Variants in FAAH2 observed in about 807,000 individuals in gnomAD.
FAAH2 encodes the protein fatty-acid amide hydrolase 2.
A neutral mutation model predicts 36.9 loss-of-function variants in FAAH2; 60 were observed. The observed-to-expected ratio is 1.63, with a 90% confidence interval of 1.32 to 2.02. The LOEUF is 2.02. Among genes scored for constraint, FAAH2 ranks in the 30% most tolerant of loss-of-function variants. The pLI, the probability that FAAH2 is intolerant of heterozygous loss-of-function variation, is 0.00. For synonymous variants in FAAH2, 214 were observed against 143.8 expected, an observed-to-expected ratio of 1.49 and a Z score of -3.49; for missense variants, 689 against 397.5, an observed-to-expected ratio of 1.73 and a Z score of -6.23.
At chrX:57,162,258 G>C in the FAAH2 span, among the ~76,000 whole-genome samples, 4 of 111,731 alleles carry the variant, frequency 3.6e-5, no homozygotes, top group East Asian at 1.1e-3. Flanking sequence ...TTCCCTTTGA[G>C]GGTAACCCAA....
chrX:57,387,216 T>C (rs1265626654), intron 7 of FAAH2, among the ~76,000 whole-genome samples: 1 of 111,682 alleles, frequency 9.0e-6, no homozygotes, highest in African/African-American at 3.2e-5. Flanking sequence ...AAATATAAAG[T>C]TAGATAAGCA....
chrX:57,252,184 C>A, the FAAH2 span, among the ~76,000 whole-genome samples: 2 of 112,455 alleles, frequency 1.8e-5, no homozygotes, highest in Non-Finnish European at 3.8e-5. Context: ...TCTGCCATTG[C>A]TGAGGCTTGA....
the FAAH2 span, among the ~76,000 whole-genome samples, chrX:57,170,870 A>AT: frequency 1.7e-3 from 179 of 103,334 alleles, no homozygotes; most frequent in East Asian, 3.9e-3. Flanking sequence ...ATGACCAGCT[A>AT]TTTTTTTTTT....
chrX:57,393,966 T>C, intron 7 of FAAH2: 1 of 800,935 alleles, frequency 1.2e-6, no homozygotes, highest in African/African-American at 2.0e-5. Flanking sequence ...AACCTTTGTA[T>C]GTGGATATCA....
chrX:57,415,711 G>A (rs58455533), intron 7 of FAAH2, among the ~76,000 whole-genome samples: 35,480 of 110,208 alleles, frequency 0.32, 4,615 homozygotes, highest in Middle Eastern at 0.6. Flanking sequence ...GTTTATTTGG[G>A]GTGGAGAGTT....
intron 5 of FAAH2, among the ~76,000 whole-genome samples, chrX:57,376,474 A>G (rs1354351535): frequency 9.0e-6 from 1 of 111,220 alleles, no homozygotes; most frequent in African/African-American, 3.3e-5. Flanking sequence ...CTTATGAGTG[A>G]GAACATGTGG....
chrX:57,394,225 C>A, intron 7 of FAAH2: 1 of 688,588 alleles, frequency 1.5e-6, no homozygotes, highest in Non-Finnish European at 2.4e-6. Flanking sequence ...GTCGCACACA[C>A]ATAAAAAAGT....
rs1182627642 is a variant in FAAH2 at position 57,341,319 on chromosome X, G to T, written c.671G>T (p.Gly224Val). Reference sequence around the variant, plus strand: ...GCTGCCTGCTCAGTTATTGGTGTGGGCTCTGATATTGGTGGTAGCATTCGA... The same window carrying T: ...GCTGCCTGCTCAGTTATTGGTGTGGTCTCTGATATTGGTGGTAGCATTCGA... ...LAAACSVIGVGSDIGGSIRMP... is the reference protein window; with the variant it reads ...LAAACSVIGVVSDIGGSIRMP... Residue 224 changes from glycine to valine, a missense_variant, in exon 5 of 11, where the codon GGC (glycine) becomes GTC (valine). Physicochemically the swap from Gly to Val is moderately radical, Grantham distance 109. Transcript: ENST00000374900. 12 of 1,208,279 alleles carry T rather than the reference G, an allele frequency of 9.9e-6. No individual in the cohort carries two copies. The highest frequency in any genetic ancestry group is 1.3e-5 in the Non-Finnish European group (12 of 894,163).
intron 2 of FAAH2, among the ~76,000 whole-genome samples, chrX:57,294,497 T>C (rs1018991697): frequency 4.5e-5 from 5 of 111,918 alleles, no homozygotes; most frequent in Non-Finnish European, 9.4e-5. Flanking sequence ...CTCTACCTTC[T>C]TCCTTCTTTT....
At chrX:57,252,949 G>C in the FAAH2 span, among the ~76,000 whole-genome samples, 1 of 111,487 alleles carries the variant, frequency 9.0e-6, no homozygotes, top group Non-Finnish European at 1.9e-5. Context: ...TCAGAAGGTC[G>C]GTAATCACAA....
At chrX:57,278,908 C>A in the FAAH2 span, among the ~76,000 whole-genome samples, 1 of 111,861 alleles carries the variant, frequency 8.9e-6, no homozygotes, top group African/African-American at 3.3e-5. Flanking sequence ...CAATGAGATA[C>A]CATCTCACGC....
intron 10 of FAAH2, among the ~76,000 whole-genome samples, chrX:57,483,236 T>C (rs2057412473): frequency 9.0e-6 from 1 of 111,670 alleles, no homozygotes; most frequent in South Asian, 3.7e-4. Context: ...TATTTTTGTC[T>C]GACCAGTTTA....
chrX:57,470,887 C>A, intron 10 of FAAH2, among the ~76,000 whole-genome samples: 1 of 111,418 alleles, frequency 9.0e-6, no homozygotes, highest in East Asian at 2.8e-4. Flanking sequence ...CATAAAAAAG[C>A]TTATCCACCA....
At chrX:57,318,394 C>T (rs1033518585) in intron 3 of FAAH2, among the ~76,000 whole-genome samples, 21 of 111,630 alleles carry the variant, frequency 1.9e-4, no homozygotes, top group African/African-American at 4.2e-4. Flanking sequence ...AACACCTTTA[C>T]GCAAATAAAC....
At chrX:57,462,411 A>G (rs2056976367) in intron 10 of FAAH2, among the ~76,000 whole-genome samples, 1 of 111,544 alleles carries the variant, frequency 9.0e-6, no homozygotes, top group Admixed American at 9.5e-5. Flanking sequence ...ATTTCTCAAT[A>G]AAATACTGGC....
chrX:57,356,576 T>C (rs1481624467), intron 5 of FAAH2, among the ~76,000 whole-genome samples: 1 of 110,706 alleles, frequency 9.0e-6, no homozygotes, highest in East Asian at 2.8e-4. Flanking sequence ...ATACTTTTTA[T>C]TTCTGTGGCA....
Position 57,390,415 on chromosome X carries a change from C to T in FAAH2, c.996+9386C>T, listed in dbSNP as rs747996000. Among the ~76,000 whole-genome samples, 18 of 111,175 alleles carry T rather than the reference C, an allele frequency of 1.6e-4. No individual in the cohort carries two copies. The Admixed American group carries it at 1.6e-3, about 10-fold the overall frequency. On this transcript the variant is annotated intron_variant, in intron 7 of 10. Coordinates refer to ENST00000374900, the MANE Select transcript of FAAH2 (RefSeq NM_174912.4). ...ATATTGTGTAATGGTGAAGTTTGGG[C>T]TTCTAGTGTACCAGTCATGCAAACA... is the stretch of plus-strand genomic sequence containing the variant.
the FAAH2 span, chrX:57,136,977 C>T: frequency 1.1e-6 from 1 of 894,302 alleles, no homozygotes; most frequent in African/African-American, 2.0e-5. Context: ...GCCTCTGGTG[C>T]TGTCTGTAAC....
At chrX:57,393,348 T>A (rs2055212490) in intron 7 of FAAH2, 1 of 768,891 alleles carries the variant, frequency 1.3e-6, no homozygotes, top group Admixed American at 2.2e-5. Flanking sequence ...GCGCTGACAG[T>A]GGCAACAAGC....
Sources: allele counts gnomAD v4.1 joint callset (sites outside exome capture counted in the v4.1 genomes callset), GRCh38; gene constraint gnomAD v4.1.1; transcripts MANE v1.5; gene names NCBI Gene and HGNC (gene_info 2026-07-23, HGNC 2026-07-21).